The following CARNMT1 variants were observed in gnomAD, a reference collection of about 807,000 sequenced individuals.
CARNMT1 encodes carnosine N-methyltransferase 1.
CARNMT1 carries 28 observed loss-of-function variants against 49.6 expected under a neutral mutation model. The ratio of observed to expected loss-of-function variants is 0.56; its 90% CI spans 0.42 to 0.77. The LOEUF is 0.77. CARNMT1 is among the 30% of genes least tolerant of loss of function. The pLI is 0.00. For missense variants in CARNMT1, 421 were observed against 512.6 expected, an observed-to-expected ratio of 0.82 and a Z score of 1.73; for synonymous variants, 178 against 175.0, an observed-to-expected ratio of 1.02 and a Z score of -0.13.
intron 1 of CARNMT1, chr9:75,027,210 A>C (rs182314463): frequency 1.8e-6 from 2 of 1,113,620 alleles, no homozygotes; most frequent in Admixed American, 4.8e-5. Flanking sequence ...TTTGTGATTA[A>C]GCTACTTTAA....
At position 74,983,708 on chromosome 9, in the gene CARNMT1, C is replaced by T. The variant is rs1344402001; in HGVS notation, c.*59G>A. 2 of 972,196 alleles carry T rather than the reference C, an allele frequency of 2.1e-6. No individual in the cohort carries two copies. The highest frequency in any genetic ancestry group is 2.4e-5 in the East Asian group (1 of 40,862). 60.2% of individuals were successfully genotyped at this position (972,196 alleles called of 1,614,324 possible). On this transcript the variant is annotated 3_prime_UTR_variant, in exon 8 of 8. Coordinates refer to ENST00000376834, the MANE Select transcript of CARNMT1 (RefSeq NM_152420.3). ...TCATCACTGATAGTTGATTTTGAGT[C>T]GTTGATTTCAGCATTTGTTCTTACT... is the stretch of plus-strand genomic sequence containing the variant.
intron 6 of CARNMT1, among the ~76,000 whole-genome samples, chr9:74,985,384 T>A (rs1832802661): frequency 6.6e-6 from 1 of 152,212 alleles, no homozygotes; most frequent in African/African-American, 2.4e-5. Flanking sequence ...GTATATCATA[T>A]GAAAACAAAG....
At chr9:74,985,341 C>T (rs1353409045) in intron 6 of CARNMT1, among the ~76,000 whole-genome samples, 1 of 152,162 alleles carries the variant, frequency 6.6e-6, no homozygotes, top group East Asian at 1.9e-4. Flanking sequence ...AATTATAATT[C>T]CATAAGCAAA....
intron 5 of CARNMT1, among the ~76,000 whole-genome samples, chr9:74,996,792 C>T (rs1240050969): frequency 1.3e-5 from 2 of 152,134 alleles, no homozygotes; most frequent in African/African-American, 4.8e-5. Flanking sequence ...CCCAATAACA[C>T]TAATATTATA....
intron 6 of CARNMT1, among the ~76,000 whole-genome samples, chr9:74,989,244 G>C (rs1832945754): frequency 6.6e-6 from 1 of 152,018 alleles, no homozygotes; most frequent in Non-Finnish European, 1.5e-5. Context: ...CCAAGTAGCT[G>C]GGACTACAGG....
intron 3 of CARNMT1, among the ~76,000 whole-genome samples, chr9:75,009,132 G>C (rs1833610369): frequency 6.7e-6 from 1 of 148,968 alleles, no homozygotes; most frequent in African/African-American, 2.5e-5. Flanking sequence ...AATAAAGTTG[G>C]ATTATTACCT....
chr9:74,985,850 G>A (rs1587650759), intron 6 of CARNMT1, among the ~76,000 whole-genome samples: 1 of 152,160 alleles, frequency 6.6e-6, no homozygotes, highest in African/African-American at 2.4e-5. Context: ...AAAGTGTTGC[G>A]ATTACAGGCG....
intron 1 of CARNMT1, chr9:75,027,080 T>A: frequency 7.7e-7 from 1 of 1,304,266 alleles, no homozygotes. Context: ...TCTGTCTGAT[T>A]CCAACTGCAG....
chr9:75,002,588 ATT>A (rs1833393930), intron 3 of CARNMT1, among the ~76,000 whole-genome samples: 1 of 152,206 alleles, frequency 6.6e-6, no homozygotes, highest in Admixed American at 6.5e-5. Flanking sequence ...TAAAAATAAA[ATT>A]GCTTCTTTTA....
At chr9:74,996,938 AT>A in intron 5 of CARNMT1, among the ~76,000 whole-genome samples, 1 of 152,318 alleles carries the variant, frequency 6.6e-6, no homozygotes, top group East Asian at 1.9e-4. Context: ...TTAACCACCA[AT>A]TCTGGCAGGT....
chr9:74,994,213 T>G (rs995678453), intron 6 of CARNMT1, among the ~76,000 whole-genome samples: 1 of 152,170 alleles, frequency 6.6e-6, no homozygotes, highest in Non-Finnish European at 1.5e-5. Flanking sequence ...GGAAGAGCCC[T>G]CACTAGACAC....
intron 1 of CARNMT1, chr9:75,027,236 A>G (rs1587318959): frequency 2.1e-6 from 2 of 947,642 alleles, no homozygotes; most frequent in East Asian, 1.2e-4. Context: ...ATCTAGAAGA[A>G]ACGTGGAAGT....
At chr9:75,014,330 G>A (rs138649905) in intron 3 of CARNMT1, among the ~76,000 whole-genome samples, 299 of 152,266 alleles carry the variant, frequency 2.0e-3, no homozygotes, top group African/African-American at 6.8e-3. Flanking sequence ...ATAAGTAAAC[G>A]TATTGATGTT....
At chr9:75,026,557 G>T (rs1822535245) in intron 1 of CARNMT1, among the ~76,000 whole-genome samples, 1 of 152,092 alleles carries the variant, frequency 6.6e-6, no homozygotes, top group Non-Finnish European at 1.5e-5. Flanking sequence ...TTCTCTGATG[G>T]TCTGACGCCT....
At chr9:74,995,980 T>C (rs1315215624) in intron 6 of CARNMT1, 1 of 152,248 alleles carries the variant, frequency 6.6e-6, no homozygotes, top group Non-Finnish European at 1.5e-5. Flanking sequence ...TGTGTTTCTA[T>C]TCTTTCTTAA....
chr9:75,007,458 G>T (rs546599614), intron 3 of CARNMT1, among the ~76,000 whole-genome samples: 13 of 152,092 alleles, frequency 8.5e-5, no homozygotes, highest in Non-Finnish European at 1.5e-4. Flanking sequence ...GCTGGGCGTG[G>T]TGGCTCACAC....
chr9:75,021,636 C>A lies in CARNMT1; in HGVS notation c.231-4188G>T, dbSNP rs117177059. Among the ~76,000 whole-genome samples, 1,161 of 151,488 alleles carry A rather than the reference C, an allele frequency of 7.7e-3. 10 individuals carry two copies. The highest frequency in any genetic ancestry group is 0.012 in the Non-Finnish European group (840 of 67,780). ...CACTTCTAACCTTTTGGCACATTTC[C>A]GTTTTGCTTAACACAAAGTTGCAGT... On this transcript the variant is annotated intron_variant, in intron 1 of 7. Transcript: ENST00000376834.
At chr9:75,007,133 G>T (rs1217219883) in intron 3 of CARNMT1, among the ~76,000 whole-genome samples, 1 of 152,150 alleles carries the variant, frequency 6.6e-6, no homozygotes, top group Non-Finnish European at 1.5e-5. Flanking sequence ...GGACTTTATA[G>T]AAAGTATTAA....
intron 1 of CARNMT1, chr9:75,027,184 C>G: frequency 2.5e-6 from 3 of 1,216,552 alleles, no homozygotes; most frequent in Non-Finnish European, 3.3e-6. Context: ...TCCCTTTCAG[C>G]TCTTGGAATT....
Sources: allele counts gnomAD v4.1 joint callset (sites outside exome capture counted in the v4.1 genomes callset), GRCh38; gene constraint gnomAD v4.1.1; transcripts MANE v1.5; gene names NCBI Gene and HGNC (gene_info 2026-07-23, HGNC 2026-07-21).